The following SEZ6L2 variants were observed in gnomAD, a reference collection of about 807,000 sequenced individuals.
The protein encoded by SEZ6L2 is seizure related 6 homolog like 2.
In SEZ6L2, 44 loss-of-function variants were observed where a neutral mutation model predicts 97.0. That is an observed-to-expected ratio of 0.45 (90% CI 0.36 to 0.58). The LOEUF (loss-of-function observed/expected upper bound fraction) is 0.58. Among genes scored for constraint, SEZ6L2 ranks in the 20% least tolerant of loss-of-function variants. SEZ6L2 has a pLI of 0.00. For missense variants in SEZ6L2, 1,086 were observed against 1,233.3 expected (o/e 0.88, Z 1.79); for synonymous variants, 543 against 546.1 (o/e 0.99, Z 0.08).
chr16:29,885,564 T>C, intron 8 of SEZ6L2, 22 bp downstream of exon 8: 1 of 1,605,910 alleles, frequency 6.2e-7, no homozygotes. Flanking sequence ...GTTGGGGTCC[T>C]GTGGGGGAGT....
chr16:29,895,645 G>T, intron 4 of SEZ6L2, 76 bp downstream of exon 4: 5 of 1,524,160 alleles, frequency 3.3e-6, no homozygotes, highest in Non-Finnish European at 3.5e-6. Flanking sequence ...TTGGCTCCCA[G>T]GCCAAACCCG....
intron 5 of SEZ6L2, 75 bp from the exon 6 acceptor site, chr16:29,888,800 C>G: frequency 1.5e-6 from 2 of 1,353,938 alleles, no homozygotes; most frequent in Non-Finnish European, 2.0e-6. Flanking sequence ...CCAGCACTTC[C>G]CCCCTCTCCT....
At chr16:29,878,180 G>C in intron 10 of SEZ6L2, 107 bp downstream of exon 10, 2 of 1,348,856 alleles carry the variant, frequency 1.5e-6, no homozygotes, top group Non-Finnish European at 2.0e-6. Flanking sequence ...CCGAATTCTG[G>C]ATAGATACGC....
chr16:29,877,520 T>C, intron 10 of SEZ6L2, 53 bp from the exon 11 acceptor site: 1 of 1,487,326 alleles, frequency 6.7e-7, no homozygotes, highest in Non-Finnish European at 9.1e-7. Flanking sequence ...GCCCCTCCCA[T>C]CCAGCTCTGC....
chr16:29,883,486 T>C (rs2150795178), intron 8 of SEZ6L2, among the ~76,000 whole-genome samples: 1 of 152,010 alleles, frequency 6.6e-6, no homozygotes, highest in Admixed American at 6.6e-5. Flanking sequence ...TAATTATTAC[T>C]TTTTTTTAAT....
intron 7 of SEZ6L2, chr16:29,886,043 G>A (rs960392383): frequency 2.3e-5 from 6 of 255,364 alleles, no homozygotes; most frequent in Non-Finnish European, 3.0e-5. Context: ...AAGTTGCTAG[G>A]TAAAGGATGA....
rs555041075 is a variant in SEZ6L2 at position 29,873,888 on chromosome 16, C to G, written c.2105-159G>C. Among the ~76,000 whole-genome samples, 13 of 152,178 alleles carry G rather than the reference C, an allele frequency of 8.5e-5. No individual in the cohort carries two copies. The highest frequency in any genetic ancestry group is 1.8e-4 in the Non-Finnish European group (12 of 68,004). On this transcript the variant is annotated intron_variant, in intron 12 of 17. Coordinates refer to ENST00000617533, the MANE Select transcript of SEZ6L2 (RefSeq NM_001243332.2). The surrounding 1 kb of genome is among the most constrained non-coding windows in gnomAD (Gnocchi z 4.3). ...ACTCAGGAGTTGGAGGCGGGATGAT[C>G]GCTCGAACCCAGCAGGTCGAGGCTG...
At position 29,899,226 on chromosome 16, in the gene SEZ6L2, T is replaced by G; in HGVS notation, c.-207A>C. 1.8e-6 allele frequency: 1 copy of G among 552,210 alleles called. No homozygotes were observed. 34.2% of individuals were successfully genotyped at this position (552,210 alleles called of 1,614,324 possible). On this transcript the variant is annotated 5_prime_UTR_variant, in exon 1 of 18. Transcript: ENST00000617533. Reference sequence around the variant, plus strand: ...GGGTCGCCTGGAGCCCACCCCCCTTTGCTCAGTCTCCTCTGTCCTCTTCTC... The same window carrying G: ...GGGTCGCCTGGAGCCCACCCCCCTTGGCTCAGTCTCCTCTGTCCTCTTCTC...
intron 16 of SEZ6L2, 39 bp downstream of exon 16, chr16:29,872,370 C>T (rs763888651): frequency 8.7e-6 from 14 of 1,607,686 alleles, no homozygotes; most frequent in East Asian, 6.7e-5. Flanking sequence ...GCTCGCAAGA[C>T]GTCTGCCCTG....
intron 6 of SEZ6L2, 141 bp from the exon 7 acceptor site, chr16:29,887,958 C>CA (rs1421933778): frequency 3.4e-6 from 3 of 880,790 alleles, no homozygotes; most frequent in Non-Finnish European, 5.1e-6. Flanking sequence ...CCCATGGAGT[C>CA]ACTCCAGAGG....
At chr16:29,878,555 TTTCTTTTA>T (rs1170529745) in intron 9 of SEZ6L2, 130 bp from the exon 10 acceptor site, 8 of 607,398 alleles carry the variant, frequency 1.3e-5, no homozygotes, top group African/African-American at 1.9e-5. Context: ...GATCCACCTG[TTTCTTTTA>T]TTCTTTTATT....
In SEZ6L2 at chr16:29,876,458, C is replaced by G. The variant is rs569648456; in HGVS notation, c.2104+298G>C. Reference sequence around the variant, plus strand: ...AACTCAGATGCCGCAGAGGAGGGGTCAGGAGGGGACGGGGCGGGGCCGTGA... The same window carrying G: ...AACTCAGATGCCGCAGAGGAGGGGTGAGGAGGGGACGGGGCGGGGCCGTGA... On this transcript the variant is annotated intron_variant, in intron 12 of 17. Transcript: ENST00000617533. This position sits in a 1 kb window ranked among gnomAD's most constrained non-coding sequence, Gnocchi z 6.5. Among the ~76,000 whole-genome samples, 1 of 151,658 alleles carries G rather than the reference C, an allele frequency of 6.6e-6. No homozygotes were observed. Among genetic ancestry groups the G allele is most frequent in the Admixed American group, 6.6e-5 (1 of 15,198 alleles).
rs769182542 is a variant in SEZ6L2 at position 29,877,262 on chromosome 16, C to T, written c.1909+9G>A. ...CCCCTGCCCATCCCGGGACTCTATC[C>T]CTCAGTACCTTTGAAGTGCAATACG... On this transcript the variant is annotated intron_variant, in intron 11 of 17. Coordinates refer to ENST00000617533, the MANE Select transcript of SEZ6L2 (RefSeq NM_001243332.2). 1 of 1,570,596 alleles carries T rather than the reference C, an allele frequency of 6.4e-7. No homozygotes were observed. Among genetic ancestry groups the T allele is most frequent in the African/African-American group, 1.4e-5 (1 of 73,788 alleles).
chr16:29,871,297 C>T lies in SEZ6L2; in HGVS notation c.*402G>A, dbSNP rs1205485496. 3.6e-6 allele frequency: 1 copy of T among 281,324 alleles called. No individual in the cohort carries two copies. The highest frequency in any genetic ancestry group is 6.9e-5 in the East Asian group (1 of 14,458). 17.4% of individuals were successfully genotyped at this position (281,324 alleles called of 1,614,324 possible). ...CCCCTTTGTCCTTCTTCTGACCCTC[C>T]TGGCCGGAGTCAGGCCTAGGGCCAG... On this transcript the variant is annotated 3_prime_UTR_variant, in exon 18 of 18. Transcript: ENST00000617533.
intron 7 of SEZ6L2, chr16:29,886,133 C>T (rs2068135788): frequency 6.3e-6 from 1 of 157,952 alleles, no homozygotes; most frequent in Non-Finnish European, 1.4e-5. Flanking sequence ...TTTGGGAAGC[C>T]AAGACGGGTG....
At position 29,876,718 on chromosome 16, in the gene SEZ6L2, G is replaced by C; in HGVS notation, c.2104+38C>G. On this transcript the variant is annotated intron_variant, in intron 12 of 17. Coordinates refer to ENST00000617533, the MANE Select transcript of SEZ6L2 (RefSeq NM_001243332.2). The surrounding 1 kb of genome is among the most constrained non-coding windows in gnomAD (Gnocchi z 6.5). ...GGCCGACGACGGGGCCCACAGGGAAGGGGCGGGGCCGAGGGGACGCGGGCG... is the reference window on the plus strand; with the variant it reads ...GGCCGACGACGGGGCCCACAGGGAACGGGCGGGGCCGAGGGGACGCGGGCG... 6.7e-7 allele frequency: 1 copy of C among 1,497,788 alleles called. No homozygotes were observed. 92.8% of individuals were successfully genotyped at this position (1,497,788 alleles called of 1,614,324 possible). A position where few individuals can be genotyped will look rare whatever the true frequency, so the allele number is the denominator to read the frequency against.
intron 12 of SEZ6L2, among the ~76,000 whole-genome samples, chr16:29,874,214 T>C (rs2067849989): frequency 6.6e-6 from 1 of 152,212 alleles, no homozygotes; most frequent in Non-Finnish European, 1.5e-5. Flanking sequence ...AACAGTTTGC[T>C]TGGGGAAACC....
chr16:29,888,962 C>G (rs2068209394), intron 5 of SEZ6L2, among the ~76,000 whole-genome samples: 1 of 152,040 alleles, frequency 6.6e-6, no homozygotes, highest in African/African-American at 2.4e-5. Flanking sequence ...TCGTTGGCCC[C>G]CATTTTATAG....
Position 29,878,300 on chromosome 16 carries a change from G to A in SEZ6L2, c.1699C>T (p.Leu567Phe), listed in dbSNP as rs767508314. Residue 567 changes from leucine to phenylalanine, a missense_variant, in exon 10 of 18, where the codon CTC becomes TTC. Around this residue, in one of 2 missense-constraint regions of SEZ6L2, gnomAD observed 776 missense variants for 794.7 expected, o/e 0.98. Transcript: ENST00000617533. ...VHVQEEKRILLQVEILNVREG... is the reference protein window; with the variant it reads ...VHVQEEKRILFQVEILNVREG... ...ACCCAAACATACATCTCAACTTGGA[G>A]CAAGATGCGCTTCTCTTCCTGGACG... 1.9e-6 allele frequency: 3 copies of A among 1,590,164 alleles called. No individual in the cohort carries two copies. In the African/African-American group the frequency reaches 4.0e-5, roughly 21 times the overall value.
Sources: gnomAD v4.1 joint callset for allele counts (sites outside exome capture counted in the v4.1 genomes callset) on GRCh38, gnomAD v4.1.1 for gene constraint, gnomAD v4.1.1 regional missense constraint, Gnocchi (gnomAD v3.1) non-coding constraint, MANE v1.5 for transcripts, NCBI Gene and HGNC (gene_info 2026-07-23, HGNC 2026-07-21) for gene names.